The following ACOXL variants were observed in gnomAD, a reference collection of about 807,000 sequenced individuals.
The protein encoded by ACOXL is acyl-coenzyme A oxidase-like protein.
In ACOXL, 70 loss-of-function variants were observed where a neutral mutation model predicts 71.9. The ratio of observed to expected loss-of-function variants is 0.97; its 90% CI spans 0.80 to 1.19. The LOEUF (loss-of-function observed/expected upper bound fraction) is 1.19. Ranked by LOEUF, ACOXL falls within the 50% of genes most tolerant of loss-of-function variation. The pLI is 0.00. For missense variants in ACOXL, 703 were observed against 736.3 expected (o/e 0.95, Z 0.52); for synonymous variants, 253 against 281.6 (o/e 0.90, Z 1.02).
rs150250450 is a variant in ACOXL at position 111,074,870 on chromosome 2, C to T, written c.1441-17995C>T. The stretch of plus-strand genomic sequence containing the variant: ...TTGTCCTCCCAAAGTGCTGGGACTA[C>T]AAGCGTGACCCATCTAATGGTTTAG... On this transcript the variant is annotated intron_variant, in intron 16 of 17. Coordinates refer to ENST00000439055, the MANE Select transcript of ACOXL (RefSeq NM_001142807.4). 6.5e-4 allele frequency among the ~76,000 whole-genome samples: 99 copies of T among 152,304 alleles called. 1 individual carries two copies. In the East Asian group the frequency reaches 8.7e-3, roughly 13 times the overall value.
intron 14 of ACOXL, among the ~76,000 whole-genome samples, chr2:111,007,557 G>A (rs2063935269): frequency 6.6e-6 from 1 of 152,138 alleles, no homozygotes; most frequent in Non-Finnish European, 1.5e-5. Flanking sequence ...CCTTCAGGTT[G>A]GCCCCTGTGT....
At chr2:111,110,064 G>A (rs749176450) in intron 17 of ACOXL, among the ~76,000 whole-genome samples, 2 of 151,992 alleles carry the variant, frequency 1.3e-5, no homozygotes, top group Admixed American at 6.6e-5. Flanking sequence ...TCTCTAAGTC[G>A]GCTACTGATT....
At chr2:110,759,504 A>AT (rs1428941308) in intron 1 of ACOXL, among the ~76,000 whole-genome samples, 5 of 151,646 alleles carry the variant, frequency 3.3e-5, no homozygotes, top group Admixed American at 6.6e-5. Context: ...GCAACCCTTG[A>AT]TTTTTTTTCC....
chr2:110,873,136 A>C (rs996814028), intron 10 of ACOXL, among the ~76,000 whole-genome samples: 1 of 152,178 alleles, frequency 6.6e-6, no homozygotes, highest in African/African-American at 2.4e-5. Flanking sequence ...GAGGGTGACA[A>C]AACTGGGGAA....
At chr2:111,049,077 T>C (rs531838238) in intron 15 of ACOXL, 141 bp from the exon 16 acceptor site, 5 of 687,260 alleles carry the variant, frequency 7.3e-6, no homozygotes, top group African/African-American at 5.4e-5. Context: ...CAGGGGACAG[T>C]TGGGGAGCTC....
At position 110,975,022 on chromosome 2, in the gene ACOXL, G is replaced by T. The variant is rs141575612; in HGVS notation, c.1060-12086G>T. ...TCCCCTGCAGGAATGCCTGAGCCAT[G>T]CTGTGGGGCAGGCCGGCTGATGTGT... is the stretch of plus-strand genomic sequence containing the variant. On this transcript the variant is annotated intron_variant, in intron 12 of 17. Coordinates refer to ENST00000439055, the MANE Select transcript of ACOXL (RefSeq NM_001142807.4). Among the ~76,000 whole-genome samples, 525 of 152,364 alleles carry T rather than the reference G, an allele frequency of 3.4e-3. 3 individuals are homozygous for T. The highest frequency in any genetic ancestry group is 0.012 in the African/African-American group (502 of 41,596).
chr2:111,012,624 A>G (rs758322337), intron 14 of ACOXL, among the ~76,000 whole-genome samples: 17 of 152,264 alleles, frequency 1.1e-4, no homozygotes, highest in Non-Finnish European at 1.3e-4. Flanking sequence ...ATGAAATTAA[A>G]TTACAAATTA....
At chr2:111,013,997 T>C (rs1175118040) in intron 14 of ACOXL, among the ~76,000 whole-genome samples, 2 of 152,204 alleles carry the variant, frequency 1.3e-5, no homozygotes, top group African/African-American at 4.8e-5. Flanking sequence ...GATTATATTA[T>C]GGGGAAAATA....
chr2:110,832,749 A>G (rs562107330), intron 9 of ACOXL, among the ~76,000 whole-genome samples: 11 of 152,308 alleles, frequency 7.2e-5, no homozygotes, highest in African/African-American at 2.4e-4. Flanking sequence ...GAACAATCCA[A>G]TTATAAAATG....
At chr2:110,879,711 G>C (rs891979010) in intron 10 of ACOXL, among the ~76,000 whole-genome samples, 1 of 152,110 alleles carries the variant, frequency 6.6e-6, no homozygotes, top group Non-Finnish European at 1.5e-5. Context: ...CAAGCACTTA[G>C]GGCGTTTTTT....
intron 12 of ACOXL, among the ~76,000 whole-genome samples, chr2:110,970,481 A>T (rs1161742553): frequency 7.2e-6 from 1 of 139,052 alleles, no homozygotes; most frequent in Non-Finnish European, 1.6e-5. Context: ...GAAAGAAGGG[A>T]ATTTCCTCAA....
At chr2:110,746,346 TG>T (rs1678199394) in intron 1 of ACOXL, among the ~76,000 whole-genome samples, 1 of 152,146 alleles carries the variant, frequency 6.6e-6, no homozygotes, top group Non-Finnish European at 1.5e-5. Flanking sequence ...CTGCCCCTCC[TG>T]ATAGCCATGG....
rs949992310 is a variant in ACOXL, at chr2:110,799,992, C to T, written c.547+892C>T. On this transcript the variant is annotated intron_variant, in intron 7 of 17. Transcript: ENST00000439055. ...GCAGGAGTCTAAAAGTAGCCAATCG[C>T]GGGGAGGATTGTAAAAAGGGCACTC... 3.3e-5 allele frequency among the ~76,000 whole-genome samples: 5 copies of T among 152,064 alleles called. No individual in the cohort carries two copies. The South Asian group carries it at 6.2e-4, about 19-fold the overall frequency.
intron 10 of ACOXL, among the ~76,000 whole-genome samples, chr2:110,892,940 G>A (rs907252203): frequency 6.6e-6 from 1 of 152,198 alleles, no homozygotes; most frequent in African/African-American, 2.4e-5. Context: ...ACTTGCTGCA[G>A]TTAACTATGT....
At chr2:111,018,710 G>GT (rs2064589588) in intron 14 of ACOXL, among the ~76,000 whole-genome samples, 3 of 149,560 alleles carry the variant, frequency 2.0e-5, no homozygotes, top group Admixed American at 6.6e-5. Context: ...AGAGAGGCTG[G>GT]AGGGGGTGTT....
chr2:111,038,557 T>A (rs558763896), intron 15 of ACOXL, among the ~76,000 whole-genome samples: 1 of 152,226 alleles, frequency 6.6e-6, no homozygotes, highest in African/African-American at 2.4e-5. Flanking sequence ...GTACCAAAAT[T>A]GATGGGCAAA....
intron 12 of ACOXL, among the ~76,000 whole-genome samples, chr2:110,934,047 CAG>C (rs1450107835): frequency 6.6e-6 from 1 of 152,198 alleles, no homozygotes; most frequent in Non-Finnish European, 1.5e-5. Context: ...GCAGAGCATT[CAG>C]AGACTTCCTG....
At chr2:111,073,539 C>T (rs564688628) in intron 16 of ACOXL, among the ~76,000 whole-genome samples, 1 of 152,128 alleles carries the variant, frequency 6.6e-6, no homozygotes, top group Non-Finnish European at 1.5e-5. Flanking sequence ...TCATTCAATT[C>T]CTTTTGCATC....
chr2:110,811,450 C>G (rs915900434), intron 9 of ACOXL, among the ~76,000 whole-genome samples: 1 of 152,154 alleles, frequency 6.6e-6, no homozygotes, highest in African/African-American at 2.4e-5. Context: ...GCTATGGGCT[C>G]TTTAAAGTAA....
Sources: allele counts gnomAD v4.1 joint callset (sites outside exome capture counted in the v4.1 genomes callset), GRCh38; gene constraint gnomAD v4.1.1; transcripts MANE v1.5; gene names NCBI Gene and HGNC (gene_info 2026-07-23, HGNC 2026-07-21).